Variants in GALNT6 observed in about 807,000 individuals in gnomAD.
The protein encoded by GALNT6 is GalNAc transferase 6.
GALNT6 carries 51 observed loss-of-function variants against 65.9 expected under a neutral mutation model. The ratio of observed to expected loss-of-function variants is 0.77; its 90% CI spans 0.62 to 0.98. The LOEUF is 0.98. Ranked by LOEUF, GALNT6 falls within the 50% of genes least tolerant of loss-of-function variation. GALNT6 has a pLI of 0.00. For missense variants in GALNT6, 708 were observed against 803.3 expected (o/e 0.88, Z 1.43); for synonymous variants, 323 against 315.1 (o/e 1.02, Z -0.26).
intron 2 of GALNT6, among the ~76,000 whole-genome samples, chr12:51,382,019 T>G (rs1235472847): frequency 6.6e-6 from 1 of 152,260 alleles, no homozygotes; most frequent in Admixed American, 6.5e-5. Flanking sequence ...GTGGCCATCG[T>G]GATCTCAAGT....
Position 51,387,359 on chromosome 12 carries a change from C to A in GALNT6, c.-104+3491G>T, listed in dbSNP as rs1457879344. On this transcript the variant is annotated intron_variant, in intron 2 of 11. Transcript: ENST00000356317. The surrounding 1 kb of genome is among the most constrained non-coding windows in gnomAD (Gnocchi z 4.2). ...AAGTGATCTGTCTGCCTCGGCCTCCCAAAGTACTAGGATTACAGGTGTGAG... is the reference window on the plus strand; with the variant it reads ...AAGTGATCTGTCTGCCTCGGCCTCCAAAAGTACTAGGATTACAGGTGTGAG... Among the ~76,000 whole-genome samples the A allele has an allele frequency of 6.6e-6, 1 of 152,140 alleles. No individual in the cohort carries two copies. Among genetic ancestry groups the A allele is most frequent in the Non-Finnish European group, 1.5e-5 (1 of 68,034 alleles).
rs1342791693 is a variant in GALNT6, at chr12:51,355,998, C to T, written c.1603-40G>A. The T allele has an allele frequency of 3.7e-6, 6 of 1,604,150 alleles. No individual in the cohort carries two copies. The African/African-American group carries it at 6.7e-5, about 18-fold the overall frequency. ...AAGAGAAGCAGGTGGAGAGTTCACC[C>T]CCAGCCTTCCAAAGCCACCTGCCCT... On this transcript the variant is annotated intron_variant, in intron 10 of 11. Coordinates refer to ENST00000356317, the MANE Select transcript of GALNT6 (RefSeq NM_007210.4).
rs1391672348 is a variant in GALNT6 at position 51,360,709 on chromosome 12, C to G, written c.1167+12G>C. ...ATGTTGTGGTTCCCCCCAAAGCCCTCTTCACTCTCACCCGGAAGGACATTT... is the reference window on the plus strand; with the variant it reads ...ATGTTGTGGTTCCCCCCAAAGCCCTGTTCACTCTCACCCGGAAGGACATTT... On this transcript the variant is annotated intron_variant, in intron 7 of 11. Transcript: ENST00000356317. The G allele has an allele frequency of 2.0e-6, 3 of 1,507,206 alleles. No homozygotes were observed. Among genetic ancestry groups the G allele is most frequent in the Non-Finnish European group, 2.8e-6 (3 of 1,082,732 alleles). 93.4% of individuals were successfully genotyped at this position (1,507,206 alleles called of 1,614,324 possible). A position where few individuals can be genotyped will look rare whatever the true frequency, so the allele number is the denominator to read the frequency against.
chr12:51,355,034 C>T (rs1358113171), intron 11 of GALNT6, among the ~76,000 whole-genome samples: 1 of 152,156 alleles, frequency 6.6e-6, no homozygotes, highest in Non-Finnish European at 1.5e-5. Flanking sequence ...AAATCCCAGG[C>T]CTGCCATTTA....
intron 4 of GALNT6, among the ~76,000 whole-genome samples, chr12:51,369,512 A>G (rs1428556464): frequency 1.3e-5 from 2 of 151,590 alleles, no homozygotes; most frequent in African/African-American, 4.9e-5. Context: ...AACCAGCTTC[A>G]CTCCTCACAA....
rs916391049 is a variant in GALNT6 at position 51,354,410 on chromosome 12, C to G, written c.1838G>C (p.Ser613Thr). 10 of 1,583,248 alleles carry G rather than the reference C, an allele frequency of 6.3e-6. No individual in the cohort carries two copies. The African/African-American group carries it at 1.2e-4, about 20-fold the overall frequency. Residue 613 changes from serine to threonine, a missense_variant, in exon 12 of 12, where the codon AGT (serine) becomes ACT (threonine). By Grantham distance (58) the Ser-to-Thr change is moderately conservative. Transcript: ENST00000356317. The part of the protein sequence containing the change: ...KKPAMAPCNP[S>T]DPHQLWLFV The stretch of plus-strand genomic sequence containing the variant: ...AAAGAGCCACAACTGATGGGGGTCA[C>G]TGGGATTGCAGGGGGCCATGGCTGG...
At chr12:51,370,109 G>C (rs1947242563) in intron 4 of GALNT6, among the ~76,000 whole-genome samples, 1 of 152,204 alleles carries the variant, frequency 6.6e-6, no homozygotes, top group Non-Finnish European at 1.5e-5. Flanking sequence ...TGAAAGCAGA[G>C]ACTTGGATAT....
intron 11 of GALNT6, among the ~76,000 whole-genome samples, chr12:51,354,796 C>T (rs1946698479): frequency 6.6e-6 from 1 of 152,136 alleles, no homozygotes; most frequent in South Asian, 2.1e-4. Flanking sequence ...GGCTCAAAGA[C>T]CCAGGGCCAC....
At chr12:51,356,037 T>G in intron 10 of GALNT6, 79 bp from the exon 11 acceptor site, 1 of 1,331,726 alleles carries the variant, frequency 7.5e-7, no homozygotes. Context: ...CTGTCTACCA[T>G]GCATGGTCTC....
intron 10 of GALNT6, among the ~76,000 whole-genome samples, chr12:51,356,180 ATG>A (rs990154107): frequency 2.0e-5 from 3 of 146,922 alleles, no homozygotes; most frequent in South Asian, 2.1e-4. Flanking sequence ...GTATATATAT[ATG>A]TGTGTATATA....
At chr12:51,359,826 G>C (rs1179349654) in intron 7 of GALNT6, 14 of 152,550 alleles carry the variant, frequency 9.2e-5, no homozygotes, top group Admixed American at 9.2e-4. Flanking sequence ...GAGGTCAGAG[G>C]CTCATGGAGG....
chr12:51,364,253 A>C lies in GALNT6; in HGVS notation c.917T>G (p.Phe306Cys). 6.2e-7 allele frequency: 1 copy of C among 1,614,156 alleles called. No homozygotes were observed. The highest frequency in any genetic ancestry group is 2.2e-5 in the East Asian group (1 of 44,890). Reference protein sequence around the residue: ...PDIVTIDLNTFEFAKPVQRGR... With the variant: ...PDIVTIDLNTCEFAKPVQRGR... Reference sequence around the variant, plus strand: ...CCTCTGGACGGGCTTGGCGAACTCAAAAGTATTAAGGTCGATGGTGACGAT... The same window carrying C: ...CCTCTGGACGGGCTTGGCGAACTCACAAGTATTAAGGTCGATGGTGACGAT... Residue 306 changes from phenylalanine (F) to cysteine (C), a missense_variant, in exon 6 of 12, where the codon TTT becomes TGT. Physicochemically the swap from Phe to Cys is radical, Grantham distance 205. Transcript: ENST00000356317.
At chr12:51,385,977 G>C (rs1282299586) in intron 2 of GALNT6, among the ~76,000 whole-genome samples, 1 of 152,176 alleles carries the variant, frequency 6.6e-6, no homozygotes, top group Admixed American at 6.5e-5. Flanking sequence ...TGGGAATACA[G>C]AGGTGCGTGC....
At chr12:51,370,229 T>C (rs1210622073) in intron 4 of GALNT6, among the ~76,000 whole-genome samples, 2 of 152,254 alleles carry the variant, frequency 1.3e-5, no homozygotes, top group African/African-American at 2.4e-5. Context: ...ATACATACAA[T>C]AGAATAGTAT....
intron 4 of GALNT6, among the ~76,000 whole-genome samples, chr12:51,365,949 A>G (rs1446822508): frequency 6.6e-6 from 1 of 152,108 alleles, no homozygotes; most frequent in African/African-American, 2.4e-5. Context: ...ATGGAGTCTC[A>G]TTCTGTCACC....
intron 8 of GALNT6, 40 bp from the exon 9 acceptor site, chr12:51,358,301 G>GTT (rs5798170): frequency 0.019 from 26,187 of 1,411,532 alleles, no homozygotes; most frequent in South Asian, 0.031. Flanking sequence ...AGTTCCACCA[G>GTT]TTTTTTTTTT....
chr12:51,351,941 C>A lies in GALNT6; in HGVS notation c.*2438G>T, dbSNP rs1392188500. 2 of 152,106 alleles carry A rather than the reference C, an allele frequency of 1.3e-5. No homozygotes were observed. Among genetic ancestry groups the A allele is most frequent in the African/African-American group, 4.8e-5 (2 of 41,432 alleles). The allele number at this position is 152,106 out of a possible 1,614,324, so 9.4% of individuals were successfully genotyped here. A position where few individuals can be genotyped will look rare whatever the true frequency, so the allele number is the denominator to read the frequency against. On this transcript the variant is annotated 3_prime_UTR_variant, in exon 12 of 12. Coordinates refer to ENST00000356317, the MANE Select transcript of GALNT6 (RefSeq NM_007210.4). ...CATCCAATTCTCTTCTTTCCGGGAA[C>A]TTTTTCCCTTCCCTACTCCAGGTCG...
Position 51,365,520 on chromosome 12 carries a change from G to T in GALNT6, c.724C>A (p.Arg242=). The T allele has an allele frequency of 6.2e-7, 1 of 1,612,862 alleles. No homozygotes were observed. The change falls in exon 5 of 12, where the codon CGG becomes AGG. Residue 242 remains arginine, a synonymous_variant. Transcript: ENST00000356317. ...ATCAGCCCCTTCCGCTCCTCCTGCC[G>T]CACCACCCTCACCACCTGCAGCTGC... ...VKQLQVVRVV[R]QEERKGLITA...
chr12:51,370,701 G>A (rs527856379), intron 4 of GALNT6, among the ~76,000 whole-genome samples: 4 of 152,216 alleles, frequency 2.6e-5, no homozygotes, highest in African/African-American at 4.8e-5. Flanking sequence ...GGAGGACAGC[G>A]TGGAGAATTC....
Sources: allele counts gnomAD v4.1 joint callset (sites outside exome capture counted in the v4.1 genomes callset), GRCh38; gene constraint gnomAD v4.1.1; non-coding constraint Gnocchi (gnomAD v3.1); transcripts MANE v1.5; gene names NCBI Gene and HGNC (gene_info 2026-07-23, HGNC 2026-07-21).